The following ATRNL1 variants were observed in gnomAD, a reference collection of about 807,000 sequenced individuals.
The protein encoded by ATRNL1 is attractin like 1.
A neutral mutation model predicts 182.7 loss-of-function variants in ATRNL1; 95 were observed. That is an observed-to-expected ratio of 0.52 (90% CI 0.44 to 0.62). ATRNL1 has a LOEUF of 0.62. ATRNL1 is among the 20% of genes least tolerant of loss of function. ATRNL1 has a pLI of 0.00. For synonymous variants in ATRNL1, 576 were observed against 568.3 expected (o/e 1.01, Z -0.19); for missense variants, 1,471 against 1,679.5 (o/e 0.88, Z 2.17).
At chr10:115,561,296 CA>C (rs1272597485) in intron 26 of ATRNL1, among the ~76,000 whole-genome samples, 8 of 152,084 alleles carry the variant, frequency 5.3e-5, no homozygotes, top group Non-Finnish European at 1.2e-4. Flanking sequence ...AGTCAGTAAT[CA>C]AAAGGCAAAT....
Position 115,559,448 on chromosome 10 carries a change from G to A in ATRNL1, c.3795+9912G>A, listed in dbSNP as rs571410540. Reference sequence around the variant, plus strand: ...TGTGTGTGTGTGTGTGTGTGTGCGCGCGCGCACGCACGCACATGCGCAACC... The same window carrying A: ...TGTGTGTGTGTGTGTGTGTGTGCGCACGCGCACGCACGCACATGCGCAACC... On this transcript the variant is annotated intron_variant, in intron 26 of 28. Transcript: ENST00000355044. Among the ~76,000 whole-genome samples the A allele has an allele frequency of 2.1e-3, 107 of 51,696 alleles. 1 individual carries two copies. The highest frequency in any genetic ancestry group is 3.9e-3 in the African/African-American group (66 of 17,098). 33.9% of individuals were successfully genotyped at this position (51,696 alleles called of 152,430 possible).
At chr10:115,918,317 G>A (rs1235762154) in intron 28 of ATRNL1, among the ~76,000 whole-genome samples, 2 of 152,054 alleles carry the variant, frequency 1.3e-5, no homozygotes, top group Non-Finnish European at 2.9e-5. Flanking sequence ...TGGCCGGGCT[G>A]GTCTTGAACT....
At chr10:115,494,373 C>T (rs972263570) in intron 24 of ATRNL1, among the ~76,000 whole-genome samples, 4 of 152,066 alleles carry the variant, frequency 2.6e-5, no homozygotes, top group East Asian at 1.9e-4. Context: ...AGTACTGTGT[C>T]GAACAGGAGT....
At chr10:115,736,507 A>T (rs1364170599) in intron 27 of ATRNL1, among the ~76,000 whole-genome samples, 5 of 152,050 alleles carry the variant, frequency 3.3e-5, no homozygotes, top group Non-Finnish European at 7.4e-5. Flanking sequence ...TGATCATTTC[A>T]ATATCTGAAA....
chr10:115,462,503 T>G (rs1554969943), intron 22 of ATRNL1, among the ~76,000 whole-genome samples: 2 of 151,930 alleles, frequency 1.3e-5, no homozygotes, highest in African/African-American at 4.8e-5. Context: ...TCCCAGCTAC[T>G]GAGGAGGCTG....
intron 20 of ATRNL1, among the ~76,000 whole-genome samples, chr10:115,415,565 A>C (rs1181191110): frequency 6.6e-6 from 1 of 151,816 alleles, no homozygotes. Flanking sequence ...TTTAAAAATT[A>C]CATTTGGAAT....
chr10:115,556,724 T>A (rs1414331592), intron 26 of ATRNL1, among the ~76,000 whole-genome samples: 1 of 151,960 alleles, frequency 6.6e-6, no homozygotes, highest in East Asian at 1.9e-4. Flanking sequence ...GTTATTGATA[T>A]GTAATATAAA....
At chr10:115,216,172 T>C (rs1849223083) in intron 9 of ATRNL1, among the ~76,000 whole-genome samples, 1 of 152,228 alleles carries the variant, frequency 6.6e-6, no homozygotes, top group South Asian at 2.1e-4. Context: ...GGCATTTAGG[T>C]AAATTTTCAC....
At position 115,169,863 on chromosome 10, in the gene ATRNL1, T is replaced by C. The variant is rs551942047; in HGVS notation, c.1093-1174T>C. On this transcript the variant is annotated intron_variant, in intron 7 of 28. Transcript: ENST00000355044. ...GAGTATAAGGTTTGGACTTCCTTTA[T>C]TAAATTTATTCATAAGTATTTTATT... Among the ~76,000 whole-genome samples the C allele has an allele frequency of 1.9e-4, 29 of 152,282 alleles. No homozygotes were observed. The South Asian group carries it at 5.6e-3, about 29-fold the overall frequency.
At chr10:115,549,615 C>T (rs1268835071) in intron 26 of ATRNL1, 79 bp downstream of exon 26, 4 of 954,204 alleles carry the variant, frequency 4.2e-6, no homozygotes, top group African/African-American at 3.5e-5. Context: ...AATTACCATG[C>T]TCTCTTGGAA....
At chr10:115,583,947 GT>G (rs1855310525) in intron 26 of ATRNL1, among the ~76,000 whole-genome samples, 1 of 152,060 alleles carries the variant, frequency 6.6e-6, no homozygotes, top group African/African-American at 2.4e-5. Context: ...TTTATTGAGA[GT>G]TTTTAGCATG....
At chr10:115,638,530 G>A (rs782701172) in intron 26 of ATRNL1, among the ~76,000 whole-genome samples, 8 of 152,162 alleles carry the variant, frequency 5.3e-5, no homozygotes, top group Non-Finnish European at 1.2e-4. Flanking sequence ...GTAGTTAGTG[G>A]TTTCAGACAC....
chr10:115,716,047 C>T (rs1555056174), intron 26 of ATRNL1, among the ~76,000 whole-genome samples: 6 of 152,272 alleles, frequency 3.9e-5, no homozygotes, highest in African/African-American at 4.8e-5. Context: ...TCAAACTGCC[C>T]TTCACATTTA....
intron 19 of ATRNL1, among the ~76,000 whole-genome samples, chr10:115,361,702 T>C (rs1281395354): frequency 6.6e-6 from 1 of 152,030 alleles, no homozygotes; most frequent in Non-Finnish European, 1.5e-5. Context: ...ACCCTTAGAA[T>C]ATATGGTTTG....
chr10:115,839,309 G>A (rs1950749611), intron 27 of ATRNL1, among the ~76,000 whole-genome samples: 1 of 152,110 alleles, frequency 6.6e-6, no homozygotes, highest in South Asian at 2.1e-4. Context: ...CCCACTGTGT[G>A]CTGCACGTGT....
chr10:115,892,697 G>A (rs1327197684), intron 28 of ATRNL1, among the ~76,000 whole-genome samples: 1 of 152,108 alleles, frequency 6.6e-6, no homozygotes, highest in Non-Finnish European at 1.5e-5. Context: ...TAATGGATTT[G>A]AATTCCGATT....
At chr10:115,470,943 T>C (rs1848281728) in intron 24 of ATRNL1, among the ~76,000 whole-genome samples, 1 of 150,704 alleles carries the variant, frequency 6.6e-6, no homozygotes. Context: ...CACAGTAAAA[T>C]TATTTTAATT....
intron 22 of ATRNL1, among the ~76,000 whole-genome samples, chr10:115,462,481 G>A (rs1478741265): frequency 6.6e-6 from 1 of 151,926 alleles, no homozygotes; most frequent in Non-Finnish European, 1.5e-5. Flanking sequence ...GCATGATGGT[G>A]CGCGCCTATA....
At chr10:115,313,202 C>T (rs782278100) in intron 17 of ATRNL1, among the ~76,000 whole-genome samples, 1 of 151,802 alleles carries the variant, frequency 6.6e-6, no homozygotes, top group Non-Finnish European at 1.5e-5. Flanking sequence ...ATTATAAAAC[C>T]CTATTTTTTC....
Sources: gnomAD v4.1 joint callset for allele counts (sites outside exome capture counted in the v4.1 genomes callset) on GRCh38, gnomAD v4.1.1 for gene constraint, MANE v1.5 for transcripts, NCBI Gene and HGNC (gene_info 2026-07-23, HGNC 2026-07-21) for gene names.